The following COL11A1 variants were observed in gnomAD, a reference collection of about 807,000 sequenced individuals.
COL11A1 encodes the protein collagen alpha-1(XI) chain.
A neutral mutation model predicts 265.2 loss-of-function variants in COL11A1; 74 were observed. The observed-to-expected ratio is 0.28, with a 90% CI of 0.23 to 0.34. The LOEUF (loss-of-function observed/expected upper bound fraction) is 0.34. Ranked by LOEUF, COL11A1 falls within the 10% of genes least tolerant of loss-of-function variation. The probability of loss-of-function intolerance (pLI) is 1.00; values close to 1 mark genes in which losing one functional copy is unlikely to be tolerated. For synonymous variants in COL11A1, 816 were observed against 727.6 expected, an observed-to-expected ratio of 1.12 and a Z score of -1.96; for missense variants, 2,165 against 2,263.6, an observed-to-expected ratio of 0.96 and a Z score of 0.88.
rs375667862 is a variant in COL11A1 at position 102,886,904 on chromosome 1, T to C, written c.4761A>G (p.Lys1587=). ...GAAATTTCATATGCTCAATGTCTTG[T>C]TTCAGGGAATTGAGGGAACCAAATA... The part of the protein sequence containing the change: ...EEIFGSLNSL[K]QDIEHMKFPM... The change falls in exon 63 of 67, where the codon AAA becomes AAG. Residue 1587 remains lysine, a synonymous_variant. Transcript: ENST00000370096. The C allele has an allele frequency of 4.2e-5, 67 of 1,613,756 alleles. No individual in the cohort carries two copies. Among genetic ancestry groups the C allele is most frequent in the Middle Eastern group, 1.6e-4 (1 of 6,080 alleles).
At chr1:103,053,332 A>T (rs1463546662) in intron 4 of COL11A1, among the ~76,000 whole-genome samples, 4 of 152,136 alleles carry the variant, frequency 2.6e-5, no homozygotes. Flanking sequence ...AAAGTCCCAA[A>T]ATATGGGACT....
chr1:102,890,905 T>C (rs1006435060), intron 57 of COL11A1, among the ~76,000 whole-genome samples: 5 of 151,994 alleles, frequency 3.3e-5, no homozygotes, highest in African/African-American at 1.2e-4. Flanking sequence ...AAAAACTCAA[T>C]AAACTTTTGA....
At chr1:102,918,561 T>G (rs1201781411) in intron 49 of COL11A1, among the ~76,000 whole-genome samples, 1 of 146,244 alleles carries the variant, frequency 6.8e-6, no homozygotes, top group Non-Finnish European at 1.5e-5. Context: ...TATACTATTC[T>G]TGATTAAAAA....
intron 49 of COL11A1, among the ~76,000 whole-genome samples, chr1:102,917,966 C>T (rs1241168): frequency 0.84 from 127,331 of 151,356 alleles, 54,884 homozygotes; most frequent in East Asian, 1. Flanking sequence ...TGACAATTAG[C>T]TAAAATGAAA....
chr1:103,054,550 T>G (rs1375012230), intron 4 of COL11A1, among the ~76,000 whole-genome samples: 1 of 151,564 alleles, frequency 6.6e-6, no homozygotes, highest in Non-Finnish European at 1.5e-5. Flanking sequence ...AATTCAGCAA[T>G]AATAAATGAA....
At chr1:102,976,289 CTTTTTTTTTT>C (rs149842131) in intron 35 of COL11A1, among the ~76,000 whole-genome samples, 7 of 58,578 alleles carry the variant, frequency 1.2e-4, no homozygotes, top group East Asian at 1.3e-3. Flanking sequence ...AAAACGTTGG[CTTTTTTTTTT>C]TTTTTTTTTT....
At chr1:102,987,383 TA>T (rs398103111) in intron 30 of COL11A1, among the ~76,000 whole-genome samples, 1 of 151,662 alleles carries the variant, frequency 6.6e-6, no homozygotes, top group African/African-American at 2.4e-5. Context: ...TTTTTTTTTT[TA>T]AATTTAACTT....
intron 30 of COL11A1, among the ~76,000 whole-genome samples, chr1:102,985,992 A>T (rs866990646): frequency 8.5e-5 from 13 of 152,162 alleles, no homozygotes; most frequent in African/African-American, 3.1e-4. Context: ...CTGTCACATT[A>T]GATGATTCAT....
intron 4 of COL11A1, among the ~76,000 whole-genome samples, chr1:103,048,728 G>A (rs1366610363): frequency 6.6e-6 from 1 of 151,976 alleles, no homozygotes; most frequent in African/African-American, 2.4e-5. Flanking sequence ...TTTCTCTTGT[G>A]GGCTTTTAGT....
In COL11A1 at chr1:103,006,314, C is replaced by A; in HGVS notation, c.1685G>T (p.Gly562Val). Reference protein sequence around the residue: ...KGESGDPGPQGPRGVQGPPGP... With the variant: ...KGESGDPGPQVPRGVQGPPGP... ...AGGGGGACCCTGGACGCCTCGAGGG[C>A]CCTATATCAAGACATCATAATTAAA... The change falls in exon 16 of 67, where the codon GGC becomes GTC. Residue 562 changes from glycine to valine, a missense_variant and splice_region_variant. Transcript: ENST00000370096. 1 of 1,607,816 alleles carries A rather than the reference C, an allele frequency of 6.2e-7. No homozygotes were observed. Among genetic ancestry groups the A allele is most frequent in the Non-Finnish European group, 8.5e-7 (1 of 1,176,572 alleles).
intron 31 of COL11A1, among the ~76,000 whole-genome samples, chr1:102,983,717 C>G (rs951382363): frequency 1.3e-5 from 2 of 151,688 alleles, no homozygotes; most frequent in Non-Finnish European, 1.5e-5. Flanking sequence ...CATAGCAACC[C>G]TGGAAAAAAA....
At chr1:102,924,433 CT>C (rs1177784272) in intron 46 of COL11A1, among the ~76,000 whole-genome samples, 2 of 152,158 alleles carry the variant, frequency 1.3e-5, no homozygotes, top group African/African-American at 4.8e-5. Flanking sequence ...ATTATTTCCT[CT>C]TTCATGTCAC....
At chr1:102,978,950 C>G (rs760412617) in intron 33 of COL11A1, 37 bp from the exon 34 acceptor site, 7 of 1,612,860 alleles carry the variant, frequency 4.3e-6, no homozygotes, top group Non-Finnish European at 5.9e-6. Flanking sequence ...CAAACTAATG[C>G]CAGACAAATC....
Position 103,008,458 on chromosome 1 carries a change from T to C in COL11A1, c.1683+5A>G. ...AGAATAAAAAGTCAAATTTTTATTT[T>C]TTACCTGAGGACCTGGATCACCACT... On this transcript the variant is annotated splice_donor_5th_base_variant and intron_variant, in intron 15 of 66. Transcript: ENST00000370096. 6.2e-7 allele frequency: 1 copy of C among 1,613,482 alleles called. No homozygotes were observed. Among genetic ancestry groups the C allele is most frequent in the South Asian group, 1.1e-5 (1 of 91,060 alleles).
intron 1 of COL11A1, among the ~76,000 whole-genome samples, chr1:103,104,470 T>A (rs1276555608): frequency 6.6e-6 from 1 of 152,162 alleles, no homozygotes; most frequent in Non-Finnish European, 1.5e-5. Flanking sequence ...ACCAATTATG[T>A]TATGCAAATA....
chr1:102,880,315 G>T (rs1224851818), intron 65 of COL11A1, among the ~76,000 whole-genome samples: 1 of 152,040 alleles, frequency 6.6e-6, no homozygotes, highest in Non-Finnish European at 1.5e-5. Flanking sequence ...AAGATTAGCT[G>T]GTTTTATGTT....
At chr1:102,963,404 A>C (rs1325031391) in intron 38 of COL11A1, among the ~76,000 whole-genome samples, 1 of 152,150 alleles carries the variant, frequency 6.6e-6, no homozygotes, top group Non-Finnish European at 1.5e-5. Context: ...TGCCAAAGTG[A>C]ACAATATCAG....
intron 4 of COL11A1, among the ~76,000 whole-genome samples, chr1:103,055,284 C>T (rs1203838665): frequency 6.6e-6 from 1 of 152,100 alleles, no homozygotes; most frequent in Non-Finnish European, 1.5e-5. Flanking sequence ...TCTTTTATTT[C>T]TCAATTAAAC....
At chr1:102,934,736 T>G (rs1207305441) in intron 45 of COL11A1, among the ~76,000 whole-genome samples, 180 bp from the exon 46 acceptor site, 1 of 152,234 alleles carries the variant, frequency 6.6e-6, no homozygotes, top group Non-Finnish European at 1.5e-5. Context: ...GCTTATTTTC[T>G]TTGCTTCTGG....
Sources: allele counts gnomAD v4.1 joint callset (sites outside exome capture counted in the v4.1 genomes callset), GRCh38; gene constraint gnomAD v4.1.1; transcripts MANE v1.5; gene names NCBI Gene and HGNC (gene_info 2026-07-23, HGNC 2026-07-21).